The following SRPRB variants were observed in gnomAD, a reference collection of about 807,000 sequenced individuals.
SRPRB encodes the protein signal recognition particle receptor subunit beta.
In SRPRB, 20 loss-of-function variants were observed where a neutral mutation model predicts 31.9. The observed-to-expected ratio is 0.63, with a 90% confidence interval of 0.44 to 0.91. The LOEUF (loss-of-function observed/expected upper bound fraction) is 0.91, where lower values mean the gene tolerates loss of function less well. Ranked by LOEUF, SRPRB falls within the 40% of genes least tolerant of loss-of-function variation. The pLI, the probability that SRPRB is intolerant of heterozygous loss-of-function variation, is 0.00. For missense variants in SRPRB, 321 were observed against 324.9 expected, an observed-to-expected ratio of 0.99 and a Z score of 0.09; for synonymous variants, 146 against 132.8, an observed-to-expected ratio of 1.10 and a Z score of -0.68.
upstream of SRPRB, among the ~76,000 whole-genome samples, chr3:133,801,573 A>C (rs1356527710): frequency 6.6e-6 from 1 of 152,152 alleles, no homozygotes; most frequent in Non-Finnish European, 1.5e-5. Context: ...CTCTGACCAA[A>C]TATCCTCAGC....
intron 5 of SRPRB, 56 bp downstream of exon 5, chr3:133,815,782 A>G: frequency 6.3e-7 from 1 of 1,584,782 alleles, no homozygotes; most frequent in Non-Finnish European, 8.6e-7. Flanking sequence ...TGCTGCTACT[A>G]AGAATTATTT....
chr3:133,801,751 A>G (rs1935065661), upstream of SRPRB, among the ~76,000 whole-genome samples: 1 of 152,204 alleles, frequency 6.6e-6, no homozygotes, highest in South Asian at 2.1e-4. Context: ...GGTGGTGAAT[A>G]CAGAGCAGCG....
Position 133,806,839 on chromosome 3 carries a change from G to A in SRPRB, c.249+136G>A, listed in dbSNP as rs568150910. ...TGGAAGTTAATTCTTGACTTACTTGGGAGAACAAAAAGACTCGTAGAAACC... is the reference window on the plus strand; with the variant it reads ...TGGAAGTTAATTCTTGACTTACTTGAGAGAACAAAAAGACTCGTAGAAACC... On this transcript the variant is annotated intron_variant, in intron 2 of 6. Coordinates refer to ENST00000678299, the MANE Select transcript of SRPRB (RefSeq NM_001379313.1). 5.5e-4 allele frequency: 367 copies of A among 663,500 alleles called. 4 individuals carry two copies. In the South Asian group the frequency reaches 7.8e-3, roughly 14 times the overall value. The allele number at this position is 663,500 out of a possible 1,614,324, so 41.1% of individuals were successfully genotyped here.
intron 5 of SRPRB, 69 bp from the exon 6 acceptor site, chr3:133,816,809 T>A: frequency 8.0e-7 from 1 of 1,257,502 alleles, no homozygotes; most frequent in Non-Finnish European, 1.1e-6. Context: ...ATTTTCCTTC[T>A]GTGTAAGAAG....
At position 133,813,422 on chromosome 3, in the gene SRPRB, G is replaced by A. The variant is rs149925896; in HGVS notation, c.411-2168G>A. ...CGTATCTTCCAGATCTTTCTACTTC[G>A]CATATTGTAAGATTCCCTCAGATTT... is the stretch of plus-strand genomic sequence containing the variant. On this transcript the variant is annotated intron_variant, in intron 4 of 6. Transcript: ENST00000678299. 4.4e-4 allele frequency among the ~76,000 whole-genome samples: 67 copies of A among 151,958 alleles called. 1 individual carries two copies. The highest frequency in any genetic ancestry group is 1.5e-3 in the African/African-American group (62 of 41,418).
chr3:133,805,954 A>G lies in SRPRB; in HGVS notation c.106A>G (p.Thr36Ala), dbSNP rs375519306. Residue 36 changes from threonine (T) to alanine (A), a missense_variant, in exon 1 of 7, where the codon ACG becomes GCG. By Grantham distance (58) the Thr-to-Ala change is moderately conservative. Coordinates refer to ENST00000678299, the MANE Select transcript of SRPRB (RefSeq NM_001379313.1). ...LRQELQQTDP[T>A]LLSVVVAVLA... Reference sequence around the variant, plus strand: ...GCAGGAGCTGCAGCAGACGGACCCAACGCTGTTGTCAGTAGTGGTGGCGGT... The same window carrying G: ...GCAGGAGCTGCAGCAGACGGACCCAGCGCTGTTGTCAGTAGTGGTGGCGGT... 18 of 1,613,628 alleles carry G rather than the reference A, an allele frequency of 1.1e-5. No homozygotes were observed. The African/African-American group carries it at 1.5e-4, about 13-fold the overall frequency.
intron 2 of SRPRB, 22 bp from the exon 3 acceptor site, chr3:133,807,724 A>G (rs763031086): frequency 6.5e-7 from 1 of 1,543,694 alleles, no homozygotes; most frequent in Non-Finnish European, 8.9e-7. Flanking sequence ...GTTGAATATC[A>G]CCCATCTTGT....
intron 1 of SRPRB, among the ~76,000 whole-genome samples, chr3:133,799,854 G>C (rs1474482450): frequency 6.6e-6 from 1 of 152,190 alleles, no homozygotes; most frequent in Non-Finnish European, 1.5e-5. Context: ...GGCTGGGAAG[G>C]ATGAACAGAA....
chr3:133,808,529 AC>A (rs1486950041), intron 3 of SRPRB, among the ~76,000 whole-genome samples: 18 of 152,188 alleles, frequency 1.2e-4, no homozygotes, highest in African/African-American at 4.1e-4. Context: ...TGTTATTATA[AC>A]CTTTGCTTTT....
At chr3:133,825,801 C>T (rs1006203283), downstream of SRPRB, 1 of 152,178 alleles carries the variant, frequency 6.6e-6, no homozygotes, top group Non-Finnish European at 1.5e-5. Context: ...GCTAATCTGC[C>T]AGGTCACGTC....
chr3:133,827,453 C>T (rs12637730), downstream of SRPRB: 23,831 of 166,498 alleles, frequency 0.14, 2,441 homozygotes, highest in East Asian at 0.39. Flanking sequence ...GAGTTCTCTT[C>T]AGAGACTTTG....
At chr3:133,806,474 C>A in intron 1 of SRPRB, 135 bp from the exon 2 acceptor site, 1 of 665,328 alleles carries the variant, frequency 1.5e-6, no homozygotes, top group South Asian at 1.9e-5. Flanking sequence ...GCAATAGTAA[C>A]CATTATGATA....
At chr3:133,808,991 A>C (rs990392168) in intron 3 of SRPRB, among the ~76,000 whole-genome samples, 4 of 151,214 alleles carry the variant, frequency 2.6e-5, no homozygotes, top group African/African-American at 9.7e-5. Flanking sequence ...GTAATGCATA[A>C]GTTTGTTTGT....
chr3:133,785,491 A>G (rs1345289504), intron 1 of SRPRB: 2 of 81,930 alleles, frequency 2.4e-5, no homozygotes, highest in African/African-American at 4.8e-5. Flanking sequence ...TCCGGGAGGG[A>G]GGTGGGGGGG....
chr3:133,794,980 T>G (rs1559886523), intron 1 of SRPRB: 1 of 152,218 alleles, frequency 6.6e-6, no homozygotes, highest in Admixed American at 6.5e-5. Flanking sequence ...AAGAGGCAAA[T>G]GTATCCCTCA....
At chr3:133,806,894 T>C (rs1935173767) in intron 2 of SRPRB, among the ~76,000 whole-genome samples, 191 bp downstream of exon 2, 1 of 148,294 alleles carries the variant, frequency 6.7e-6, no homozygotes, top group Non-Finnish European at 1.5e-5. Context: ...TCATTTCTCC[T>C]TTTTTTTTTC....
downstream of SRPRB, chr3:133,825,352 T>G (rs1009243464): frequency 1.3e-5 from 2 of 152,364 alleles, 1 homozygote; most frequent in African/African-American, 4.8e-5. Flanking sequence ...GTGTCTGCAC[T>G]CTTAACTACC....
At chr3:133,803,618 C>G (rs2107965487), upstream of SRPRB, among the ~76,000 whole-genome samples, 2 of 152,060 alleles carry the variant, frequency 1.3e-5, no homozygotes, top group Middle Eastern at 3.4e-3. Flanking sequence ...CTCTATCTAG[C>G]TACTCGCTGA....
chr3:133,809,812 T>C (rs1935225963), intron 3 of SRPRB, among the ~76,000 whole-genome samples: 1 of 152,194 alleles, frequency 6.6e-6, no homozygotes, highest in Non-Finnish European at 1.5e-5. Context: ...TTTTAAAAGA[T>C]AATATTTTGG....
Sources: gnomAD v4.1 joint callset for allele counts (sites outside exome capture counted in the v4.1 genomes callset) on GRCh38, gnomAD v4.1.1 for gene constraint, MANE v1.5 for transcripts, NCBI Gene and HGNC (gene_info 2026-07-23, HGNC 2026-07-21) for gene names.